Variants in AZI2 observed in about 807,000 individuals in gnomAD.
AZI2 encodes the protein 5-azacytidine-induced protein 2.
In AZI2, 22 loss-of-function variants were observed where a neutral mutation model predicts 45.8. The ratio of observed to expected loss-of-function variants is 0.48; its 90% CI spans 0.34 to 0.69. The LOEUF (loss-of-function observed/expected upper bound fraction) is 0.69, where lower values mean the gene tolerates loss of function less well. Ranked by LOEUF, AZI2 falls within the 30% of genes least tolerant of loss-of-function variation. The probability of loss-of-function intolerance (pLI) is 0.01; values close to 1 mark genes in which losing one functional copy is unlikely to be tolerated. For synonymous variants in AZI2, 137 were observed against 156.7 expected (o/e 0.87, Z 0.94); for missense variants, 417 against 441.5 (o/e 0.94, Z 0.50).
intron 5 of AZI2, among the ~76,000 whole-genome samples, chr3:28,335,412 G>A (rs1198378623): frequency 6.6e-6 from 1 of 151,934 alleles, no homozygotes; most frequent in East Asian, 1.9e-4. Context: ...CTGAGCTGTA[G>A]AACAGGATGC....
At chr3:28,333,201 T>C (rs1214439025) in intron 5 of AZI2, among the ~76,000 whole-genome samples, 1 of 151,848 alleles carries the variant, frequency 6.6e-6, no homozygotes, top group Non-Finnish European at 1.5e-5. Context: ...CTAAATTATA[T>C]AATTTGCAGT....
intron 6 of AZI2, among the ~76,000 whole-genome samples, chr3:28,328,454 G>A (rs1362302520): frequency 6.6e-6 from 1 of 151,096 alleles, no homozygotes; most frequent in Non-Finnish European, 1.5e-5. Context: ...TTTATTATTG[G>A]TGCGAGACAG....
chr3:28,345,176 T>C (rs1704175729), intron 1 of AZI2, among the ~76,000 whole-genome samples: 1 of 152,128 alleles, frequency 6.6e-6, no homozygotes, highest in African/African-American at 2.4e-5. Context: ...AAGTGCACTC[T>C]GAATAAGCAC....
chr3:28,336,677 A>C, intron 5 of AZI2, 60 bp downstream of exon 5: 1 of 1,504,642 alleles, frequency 6.6e-7, no homozygotes, highest in Non-Finnish European at 9.2e-7. Context: ...TCTTAGTTAT[A>C]AATCCTACAT....
chr3:28,326,766 A>G, intron 7 of AZI2, 66 bp downstream of exon 7: 2 of 1,143,558 alleles, frequency 1.7e-6, no homozygotes, highest in Non-Finnish European at 2.7e-6. Flanking sequence ...TTGATAAGAT[A>G]TGACAGCTAG....
intron 6 of AZI2, among the ~76,000 whole-genome samples, chr3:28,330,331 A>G (rs903621239): frequency 6.6e-6 from 1 of 151,380 alleles, no homozygotes; most frequent in African/African-American, 2.4e-5. Context: ...AATATGATGG[A>G]AGAAATACAA....
intron 5 of AZI2, among the ~76,000 whole-genome samples, chr3:28,334,572 C>T (rs1240030703): frequency 6.6e-6 from 1 of 151,868 alleles, no homozygotes; most frequent in African/African-American, 2.4e-5. Flanking sequence ...CAATATTCCT[C>T]TCTTAGCTCA....
chr3:28,343,134 T>C (rs1402810018), intron 1 of AZI2, among the ~76,000 whole-genome samples: 1 of 151,998 alleles, frequency 6.6e-6, no homozygotes, highest in Non-Finnish European at 1.5e-5. Context: ...ATTATTATTA[T>C]ACCATAAAGG....
chr3:28,321,342 TTTGA>T lies in AZI2; in HGVS notation c.*2696_*2699del, dbSNP rs747937698. 2 of 151,490 alleles carry T rather than the reference TTTGA, an allele frequency of 1.3e-5. No individual in the cohort carries two copies. Among genetic ancestry groups the T allele is most frequent in the South Asian group, 4.1e-4 (2 of 4,832 alleles). The allele number at this position is 151,490 out of a possible 1,614,324, so 9.4% of individuals were successfully genotyped here. ...TGAAATATACAATCTATTTTATAGCTTTGATTAAAATCAGAAGTAGCCCACTTCA... is the reference window on the plus strand; with the variant it reads ...TGAAATATACAATCTATTTTATAGCTTTAAAATCAGAAGTAGCCCACTTCA... On this transcript the variant is annotated 3_prime_UTR_variant, in exon 8 of 8. Coordinates refer to ENST00000479665, the MANE Select transcript of AZI2 (RefSeq NM_022461.5).
In AZI2 at chr3:28,336,294, T is replaced by C. The variant is rs80233508; in HGVS notation, c.588+443A>G. Among the ~76,000 whole-genome samples, 66 of 152,230 alleles carry C rather than the reference T, an allele frequency of 4.3e-4. 3 individuals carry two copies. The East Asian group carries it at 0.012, about 28-fold the overall frequency. ...TGAAAATAAGTAAGCTCTGTCATGT[T>C]TTCTTTGTTGGTCGTGTTTTTCTTT... On this transcript the variant is annotated intron_variant, in intron 5 of 7. Coordinates refer to ENST00000479665, the MANE Select transcript of AZI2 (RefSeq NM_022461.5).
intron 7 of AZI2, among the ~76,000 whole-genome samples, chr3:28,326,298 G>C (rs1342300427): frequency 6.6e-6 from 1 of 150,938 alleles, no homozygotes; most frequent in Non-Finnish European, 1.5e-5. Flanking sequence ...ATTTTTGTTT[G>C]GTTGAAGGGC....
intron 7 of AZI2, among the ~76,000 whole-genome samples, chr3:28,326,056 A>T (rs751105674): frequency 9.9e-5 from 15 of 151,172 alleles, no homozygotes; most frequent in Non-Finnish European, 1.5e-4. Flanking sequence ...AGATGGTGAT[A>T]ATCTTTTATA....
chr3:28,346,336 A>C (rs1227476428), intron 1 of AZI2, among the ~76,000 whole-genome samples: 3 of 152,124 alleles, frequency 2.0e-5, no homozygotes, highest in Non-Finnish European at 4.4e-5. Context: ...CCACCTTACT[A>C]AACTGTGAAG....
intron 4 of AZI2, among the ~76,000 whole-genome samples, chr3:28,337,466 A>G (rs969881442): frequency 6.6e-6 from 1 of 152,070 alleles, no homozygotes; most frequent in African/African-American, 2.4e-5. Flanking sequence ...TATTCATGGG[A>G]GCAGGCTATT....
intron 5 of AZI2, among the ~76,000 whole-genome samples, chr3:28,334,103 G>A (rs1220509958): frequency 1.3e-5 from 2 of 151,388 alleles, no homozygotes; most frequent in Non-Finnish European, 3.0e-5. Context: ...TCACTAACAT[G>A]AAATATTAAT....
chr3:28,324,373 G>C lies in AZI2; in HGVS notation c.848C>G (p.Thr283Arg). ...LHLMNFTATYTRHPPLLPNGK... is the reference protein window; with the variant it reads ...LHLMNFTATYRRHPPLLPNGK... ...ATTTGGTAAGAGAGGGGGATGTCTT[G>C]TGTATGTTGCAGTAAAATTCATCAA... The change falls in exon 8 of 8, where the codon ACA becomes AGA. Residue 283 changes from threonine (T) to arginine (R), a missense_variant. Physicochemically the swap from Thr to Arg is moderately conservative, Grantham distance 71. Coordinates refer to ENST00000479665, the MANE Select transcript of AZI2 (RefSeq NM_022461.5). 3 of 1,580,102 alleles carry C rather than the reference G, an allele frequency of 1.9e-6. No homozygotes were observed. The highest frequency in any genetic ancestry group is 1.2e-5 in the South Asian group (1 of 85,988).
At chr3:28,332,457 A>G in intron 5 of AZI2, 30 bp from the exon 6 acceptor site, 1 of 1,579,768 alleles carries the variant, frequency 6.3e-7, no homozygotes, top group Non-Finnish European at 8.7e-7. Flanking sequence ...AAGAAGTTTA[A>G]AAGTTGTAAT....
intron 1 of AZI2, among the ~76,000 whole-genome samples, chr3:28,343,166 C>A (rs1032595738): frequency 6.6e-6 from 1 of 151,770 alleles, no homozygotes; most frequent in Non-Finnish European, 1.5e-5. Context: ...TTTGAAACAA[C>A]AGAATGTTAT....
At chr3:28,329,710 A>C (rs1390593349) in intron 6 of AZI2, among the ~76,000 whole-genome samples, 1 of 151,322 alleles carries the variant, frequency 6.6e-6, no homozygotes, top group Non-Finnish European at 1.5e-5. Context: ...GTAGAATTAA[A>C]CTATGGGATA....
Sources: allele counts gnomAD v4.1 joint callset (sites outside exome capture counted in the v4.1 genomes callset), GRCh38; gene constraint gnomAD v4.1.1; transcripts MANE v1.5; gene names NCBI Gene and HGNC (gene_info 2026-07-23, HGNC 2026-07-21).